Variants in SOBP observed in about 807,000 individuals in gnomAD.
The protein encoded by SOBP is sine oculis-binding protein homolog.
Under a neutral mutation model 53.6 loss-of-function variants are expected in SOBP, and 4 were observed. The ratio of observed to expected loss-of-function variants is 0.07; its 90% CI spans 0.04 to 0.17. The LOEUF (loss-of-function observed/expected upper bound fraction) is 0.17. SOBP is among the 10% of genes least tolerant of loss of function. The probability of loss-of-function intolerance (pLI) is 1.00; values close to 1 mark genes in which losing one functional copy is unlikely to be tolerated. For missense variants in SOBP, 1,088 were observed against 1,204.7 expected (o/e 0.90, Z 1.43); for synonymous variants, 584 against 522.6 (o/e 1.12, Z -1.60).
intron 4 of SOBP, among the ~76,000 whole-genome samples, chr6:107,578,134 A>T (rs923568840): frequency 6.6e-6 from 1 of 151,104 alleles, no homozygotes; most frequent in African/African-American, 2.4e-5. Flanking sequence ...TTGGAGTACC[A>T]TCTTTCACAG....
At chr6:107,651,209 G>A (rs1385128034) in intron 6 of SOBP, among the ~76,000 whole-genome samples, 1 of 152,220 alleles carries the variant, frequency 6.6e-6, no homozygotes, top group Non-Finnish European at 1.5e-5. Context: ...TGAGGCTGCA[G>A]TGAGCTGTGA....
chr6:107,513,797 A>G (rs1175742026), intron 3 of SOBP, among the ~76,000 whole-genome samples: 1 of 152,086 alleles, frequency 6.6e-6, no homozygotes, highest in Non-Finnish European at 1.5e-5. Context: ...GGATAAGGAC[A>G]GGAGGAATTA....
intron 4 of SOBP, among the ~76,000 whole-genome samples, chr6:107,555,030 T>G (rs1358322606): frequency 2.0e-5 from 3 of 152,090 alleles, no homozygotes; most frequent in African/African-American, 2.4e-5. Context: ...TCTGCACAGG[T>G]GCTAGAATGC....
intron 4 of SOBP, among the ~76,000 whole-genome samples, chr6:107,575,836 G>A (rs1170807831): frequency 1.3e-5 from 2 of 152,142 alleles, no homozygotes; most frequent in African/African-American, 2.4e-5. Context: ...TTCAACAGGC[G>A]TGTCCCTAAA....
intron 4 of SOBP, among the ~76,000 whole-genome samples, chr6:107,537,101 T>A (rs956624923): frequency 3.9e-5 from 6 of 152,224 alleles, no homozygotes; most frequent in African/African-American, 1.4e-4. Context: ...TTGCAGAGAC[T>A]CCTTAGTGAT....
intron 5 of SOBP, among the ~76,000 whole-genome samples, chr6:107,616,093 G>GGGT (rs1583276111): frequency 8.2e-6 from 1 of 121,380 alleles, no homozygotes; most frequent in Non-Finnish European, 1.7e-5. Flanking sequence ...GTGGGGGGGG[G>GGGT]GCGGGGGGGC....
At chr6:107,510,929 A>G (rs920167594) in intron 3 of SOBP, among the ~76,000 whole-genome samples, 1 of 152,188 alleles carries the variant, frequency 6.6e-6, no homozygotes, top group Admixed American at 6.5e-5. Context: ...TTAGTGTTCA[A>G]ATTATTCCTA....
chr6:107,651,889 G>T (rs955824117), intron 6 of SOBP, among the ~76,000 whole-genome samples: 1 of 152,174 alleles, frequency 6.6e-6, no homozygotes, highest in Non-Finnish European at 1.5e-5. Context: ...CGAAGCTTGG[G>T]TGACAGCACA....
intron 6 of SOBP, among the ~76,000 whole-genome samples, chr6:107,653,541 T>C (rs958043984): frequency 6.6e-6 from 1 of 152,224 alleles, no homozygotes; most frequent in Non-Finnish European, 1.5e-5. Flanking sequence ...TTGCACATCA[T>C]AGAATTGATG....
At chr6:107,572,933 G>A (rs1457461054) in intron 4 of SOBP, among the ~76,000 whole-genome samples, 2 of 152,158 alleles carry the variant, frequency 1.3e-5, no homozygotes, top group African/African-American at 2.4e-5. Flanking sequence ...TATGGTGAAG[G>A]CCATGGAATT....
intron 3 of SOBP, 119 bp from the exon 4 acceptor site, chr6:107,533,340 T>C: frequency 1.2e-6 from 1 of 833,178 alleles, no homozygotes; most frequent in Non-Finnish European, 1.9e-6. Flanking sequence ...AAAGCACTTC[T>C]TCTCCAAGGT....
intron 5 of SOBP, among the ~76,000 whole-genome samples, chr6:107,597,194 C>T (rs1304692081): frequency 1.3e-5 from 2 of 152,074 alleles, no homozygotes; most frequent in African/African-American, 4.8e-5. Context: ...TAGGATAAGG[C>T]TTTCATATAA....
chr6:107,618,742 A>G (rs1786895864), intron 5 of SOBP, among the ~76,000 whole-genome samples: 2 of 152,252 alleles, frequency 1.3e-5, no homozygotes, highest in South Asian at 4.1e-4. Flanking sequence ...TCAGGAATTC[A>G]TCTGTCATGC....
chr6:107,637,546 A>C (rs1296781244), intron 6 of SOBP, among the ~76,000 whole-genome samples: 1 of 152,226 alleles, frequency 6.6e-6, no homozygotes, highest in Non-Finnish European at 1.5e-5. Context: ...CACGAGAGTA[A>C]TTTAATCTGG....
chr6:107,526,355 T>C (rs1348466834), intron 3 of SOBP, among the ~76,000 whole-genome samples: 1 of 152,158 alleles, frequency 6.6e-6, no homozygotes, highest in Non-Finnish European at 1.5e-5. Flanking sequence ...TGAGACTCCT[T>C]GTTCAGGCCC....
intron 4 of SOBP, among the ~76,000 whole-genome samples, chr6:107,585,156 C>T (rs2115057597): frequency 6.6e-6 from 1 of 152,172 alleles, no homozygotes; most frequent in South Asian, 2.1e-4. Flanking sequence ...ACTTACTATC[C>T]ACGTATGGGT....
intron 3 of SOBP, among the ~76,000 whole-genome samples, chr6:107,528,090 T>C (rs1783716934): frequency 6.6e-6 from 1 of 152,204 alleles, no homozygotes; most frequent in Non-Finnish European, 1.5e-5. Flanking sequence ...TCAGCCCTTC[T>C]TCCCATTCCT....
At chr6:107,535,460 T>A (rs1224531713) in intron 4 of SOBP, among the ~76,000 whole-genome samples, 1 of 152,194 alleles carries the variant, frequency 6.6e-6, no homozygotes, top group African/African-American at 2.4e-5. Context: ...TCTTTGAACA[T>A]CTTGCTAAAC....
chr6:107,525,950 C>T (rs899572577), intron 3 of SOBP, among the ~76,000 whole-genome samples: 5 of 149,716 alleles, frequency 3.3e-5, no homozygotes, highest in Non-Finnish European at 7.4e-5. Context: ...CTGTCATGTT[C>T]TTTTTTTTTT....
Sources: gnomAD v4.1 joint callset for allele counts (sites outside exome capture counted in the v4.1 genomes callset) on GRCh38, gnomAD v4.1.1 for gene constraint, MANE v1.5 for transcripts, NCBI Gene and HGNC (gene_info 2026-07-23, HGNC 2026-07-21) for gene names.